PDGFD: variants seen among roughly 807,000 people sequenced by gnomAD.
PDGFD encodes the protein platelet derived growth factor D, also known as platelet-derived growth factor D.
PDGFD carries 30 observed loss-of-function variants against 44.7 expected under a neutral mutation model. The observed-to-expected ratio is 0.67, with a 90% CI of 0.50 to 0.91. PDGFD has a LOEUF of 0.91. Among genes scored for constraint, PDGFD ranks in the 40% least tolerant of loss-of-function variants. The pLI, the probability that PDGFD is intolerant of heterozygous loss-of-function variation, is 0.00. For missense variants in PDGFD, 445 were observed against 457.8 expected (o/e 0.97, Z 0.25); for synonymous variants, 173 against 168.4 (o/e 1.03, Z -0.21).
chr11:103,948,517 C>T (rs1017665197), intron 3 of PDGFD, among the ~76,000 whole-genome samples: 4 of 152,266 alleles, frequency 2.6e-5, no homozygotes, highest in African/African-American at 9.6e-5. Context: ...GTTTAAAAAA[C>T]ATTAAGGGAA....
At chr11:103,910,130 G>T (rs548875049) in intron 6 of PDGFD, among the ~76,000 whole-genome samples, 1 of 152,250 alleles carries the variant, frequency 6.6e-6, no homozygotes, top group African/African-American at 2.4e-5. Flanking sequence ...TTTGGGCCAA[G>T]TACTGTTCCA....
At position 104,037,170 on chromosome 11, in the gene PDGFD, G is replaced by T. The variant is rs534805679; in HGVS notation, c.125-36915C>A. On this transcript the variant is annotated intron_variant, in intron 1 of 6. Transcript: ENST00000393158. ...GTCCACAGCACCCTGGACAGCAGCA[G>T]CAGCGCACACCCGCTGCCCAGCGGT... The T allele has an allele frequency of 3.1e-6, 5 of 1,613,608 alleles. No homozygotes were observed. The South Asian group carries it at 5.5e-5, about 18-fold the overall frequency.
At chr11:104,116,269 A>G (rs1431031227) in intron 1 of PDGFD, among the ~76,000 whole-genome samples, 2 of 152,088 alleles carry the variant, frequency 1.3e-5, no homozygotes, top group Non-Finnish European at 2.9e-5. Flanking sequence ...TTATCTCAGA[A>G]CAATTTGTTG....
chr11:104,041,145 A>G (rs1265707200), intron 1 of PDGFD, among the ~76,000 whole-genome samples: 1 of 152,126 alleles, frequency 6.6e-6, no homozygotes, highest in African/African-American at 2.4e-5. Context: ...TACAACAATT[A>G]TTTATTGAAT....
intron 3 of PDGFD, 48 bp downstream of exon 3, chr11:103,996,017 T>A (rs1386911716): frequency 5.3e-6 from 8 of 1,522,166 alleles, no homozygotes; most frequent in Non-Finnish European, 7.2e-6. Flanking sequence ...TCTCTACACT[T>A]CATGAAACCA....
intron 5 of PDGFD, among the ~76,000 whole-genome samples, chr11:103,940,654 C>G (rs1025310742): frequency 3.3e-5 from 5 of 152,084 alleles, no homozygotes; most frequent in African/African-American, 1.2e-4. Context: ...AATATTAAAC[C>G]TGACTTCCCT....
intron 3 of PDGFD, 106 bp downstream of exon 3, chr11:103,995,959 A>G: frequency 1.1e-6 from 1 of 948,902 alleles, no homozygotes; most frequent in South Asian, 1.7e-5. Flanking sequence ...GTTATAAGGA[A>G]CTAATAAAGT....
At chr11:104,050,155 T>A (rs1333599270) in intron 1 of PDGFD, among the ~76,000 whole-genome samples, 1 of 152,026 alleles carries the variant, frequency 6.6e-6, no homozygotes, top group African/African-American at 2.4e-5. Context: ...TACAGCACAG[T>A]TCTTGTCTAT....
intron 3 of PDGFD, among the ~76,000 whole-genome samples, chr11:103,992,369 A>G (rs1181804875): frequency 2.0e-5 from 3 of 152,228 alleles, no homozygotes; most frequent in Admixed American, 6.5e-5. Context: ...AGATATATAC[A>G]TAATTTGTGA....
chr11:104,099,648 TAA>T (rs1861340994), intron 1 of PDGFD, among the ~76,000 whole-genome samples: 1 of 145,736 alleles, frequency 6.9e-6, no homozygotes, highest in Admixed American at 6.8e-5. Context: ...ATAATAATAA[TAA>T]TAATAATAAT....
At chr11:104,044,659 G>A (rs541407366) in intron 1 of PDGFD, among the ~76,000 whole-genome samples, 3 of 152,228 alleles carry the variant, frequency 2.0e-5, no homozygotes, top group South Asian at 4.2e-4. Context: ...TGGCAAAGTT[G>A]CCAGTGGTTC....
chr11:104,133,276 T>C (rs1028583830), intron 1 of PDGFD, among the ~76,000 whole-genome samples: 1 of 152,116 alleles, frequency 6.6e-6, no homozygotes, highest in South Asian at 2.1e-4. Context: ...TCTTTAGAAA[T>C]CACAAATAAC....
Position 104,145,564 on chromosome 11 carries a change from C to T in PDGFD, c.124+18240G>A, listed in dbSNP as rs557409835. 3.7e-4 allele frequency among the ~76,000 whole-genome samples: 57 copies of T among 152,158 alleles called. 1 individual carries two copies. In the East Asian group the frequency reaches 0.01, roughly 28 times the overall value. Reference sequence around the variant, plus strand: ...TACATCCATAATTTATCTATAATTTCCAATTTATCTTTCTTGAAAGTAGAG... The same window carrying T: ...TACATCCATAATTTATCTATAATTTTCAATTTATCTTTCTTGAAAGTAGAG... On this transcript the variant is annotated intron_variant, in intron 1 of 6. Transcript: ENST00000393158.
chr11:104,088,573 C>A (rs1861167182), intron 1 of PDGFD, among the ~76,000 whole-genome samples: 1 of 152,122 alleles, frequency 6.6e-6, no homozygotes, highest in Non-Finnish European at 1.5e-5. Flanking sequence ...AATTAAAATT[C>A]TTGAGTTTAG....
intron 3 of PDGFD, among the ~76,000 whole-genome samples, chr11:103,963,810 C>G (rs2134338945): frequency 6.6e-6 from 1 of 152,176 alleles, no homozygotes; most frequent in African/African-American, 2.4e-5. Flanking sequence ...TATGCATATG[C>G]TAGCTAATTT....
intron 1 of PDGFD, among the ~76,000 whole-genome samples, chr11:104,079,005 G>A (rs974040606): frequency 2.0e-5 from 3 of 152,186 alleles, no homozygotes; most frequent in Non-Finnish European, 4.4e-5. Context: ...AAGGTCTACT[G>A]TGAATATTGC....
intron 1 of PDGFD, among the ~76,000 whole-genome samples, chr11:104,016,746 C>T (rs1204494363): frequency 6.6e-6 from 1 of 152,196 alleles, no homozygotes; most frequent in Non-Finnish European, 1.5e-5. Flanking sequence ...ACCATGGCCA[C>T]TGTTCGAATG....
At chr11:103,965,342 A>G (rs1208556910) in intron 3 of PDGFD, among the ~76,000 whole-genome samples, 3 of 152,168 alleles carry the variant, frequency 2.0e-5, no homozygotes, top group African/African-American at 7.2e-5. Flanking sequence ...CTTAAGTGAG[A>G]GAAGACGTTA....
chr11:103,933,555 T>G (rs549767537), intron 5 of PDGFD, among the ~76,000 whole-genome samples: 27 of 152,350 alleles, frequency 1.8e-4, no homozygotes, highest in African/African-American at 6.5e-4. Context: ...TTTACACAAA[T>G]TAACCTAAAT....
Sources: gnomAD v4.1 joint callset for allele counts (sites outside exome capture counted in the v4.1 genomes callset) on GRCh38, gnomAD v4.1.1 for gene constraint, MANE v1.5 for transcripts, NCBI Gene and HGNC (gene_info 2026-07-23, HGNC 2026-07-21) for gene names.